Variants in RORA observed in about 807,000 individuals in gnomAD.
RORA encodes the protein RAR related orphan receptor A.
Under a neutral mutation model 69.5 loss-of-function variants are expected in RORA, and 7 were observed. The observed-to-expected ratio is 0.10, with a 90% CI of 0.06 to 0.19. RORA has a LOEUF of 0.19. RORA is among the 10% of genes least tolerant of loss of function. The probability of loss-of-function intolerance (pLI) is 1.00; values close to 1 mark genes in which losing one functional copy is unlikely to be tolerated. For missense variants in RORA, 457 were observed against 663.0 expected (o/e 0.69, Z 3.41); for synonymous variants, 261 against 240.8 (o/e 1.08, Z -0.78).
At chr15:60,881,177 T>G (rs1347822553) in intron 1 of RORA, among the ~76,000 whole-genome samples, 1 of 152,252 alleles carries the variant, frequency 6.6e-6, no homozygotes. Flanking sequence ...CCTCTGCTCT[T>G]GGACTGCACT....
chr15:60,522,680 A>T (rs557577535), intron 3 of RORA, among the ~76,000 whole-genome samples: 23 of 151,576 alleles, frequency 1.5e-4, no homozygotes, highest in African/African-American at 4.9e-4. Context: ...TGAGGTGGGA[A>T]GATTGTTGGA....
intron 1 of RORA, among the ~76,000 whole-genome samples, chr15:61,017,767 G>A (rs1171947974): frequency 6.6e-6 from 1 of 152,152 alleles, no homozygotes; most frequent in Non-Finnish European, 1.5e-5. Flanking sequence ...ATGATGACGT[G>A]CCACAAAGCA....
At chr15:60,960,446 T>C (rs1893384700) in intron 1 of RORA, among the ~76,000 whole-genome samples, 1 of 152,118 alleles carries the variant, frequency 6.6e-6, no homozygotes, top group Admixed American at 6.5e-5. Flanking sequence ...AATACAATTG[T>C]CCATCTGATT....
At chr15:61,179,184 A>G (rs1182919605) in intron 1 of RORA, among the ~76,000 whole-genome samples, 1 of 152,246 alleles carries the variant, frequency 6.6e-6, no homozygotes, top group Non-Finnish European at 1.5e-5. Flanking sequence ...TTAGCACAGC[A>G]GTTCCCACAA....
chr15:60,728,235 T>G (rs1342922758), intron 1 of RORA, among the ~76,000 whole-genome samples: 1 of 152,224 alleles, frequency 6.6e-6, no homozygotes, highest in Non-Finnish European at 1.5e-5. Context: ...CAGGTCTCAT[T>G]ATGTCACCCA....
chr15:60,747,039 C>CT (rs1380861515), intron 1 of RORA, among the ~76,000 whole-genome samples: 5 of 152,170 alleles, frequency 3.3e-5, no homozygotes, highest in African/African-American at 1.2e-4. Flanking sequence ...CTGCCCTCCC[C>CT]TTTTGTTCCT....
intron 2 of RORA, among the ~76,000 whole-genome samples, chr15:60,578,081 G>C (rs340007): frequency 1.6e-4 from 25 of 152,186 alleles, no homozygotes; most frequent in African/African-American, 5.8e-4. Flanking sequence ...ACAAGTGGTA[G>C]TTTCTTAAAG....
At chr15:60,755,212 C>T (rs932162824) in intron 1 of RORA, among the ~76,000 whole-genome samples, 1 of 147,378 alleles carries the variant, frequency 6.8e-6, no homozygotes, top group Non-Finnish European at 1.5e-5. Flanking sequence ...TCAATTCCCA[C>T]CTATGAATAA....
chr15:60,865,559 C>G (rs2073478239), intron 1 of RORA, among the ~76,000 whole-genome samples: 3 of 152,188 alleles, frequency 2.0e-5, no homozygotes, highest in South Asian at 4.1e-4. Context: ...CCAGGTGGTG[C>G]CAAGGGTGAG....
intron 1 of RORA, among the ~76,000 whole-genome samples, chr15:60,940,835 G>A (rs56803737): frequency 0.011 from 1,633 of 152,268 alleles, 31 homozygotes; most frequent in African/African-American, 0.037. Flanking sequence ...GCTGAGGCAG[G>A]GGAATTGTTT....
In RORA at chr15:60,831,565, A is replaced by T. The variant is rs80148549; in HGVS notation, c.167-152879T>A. 6.2e-3 allele frequency among the ~76,000 whole-genome samples: 944 copies of T among 152,304 alleles called. 15 individuals carry two copies. Among genetic ancestry groups the T allele is most frequent in the African/African-American group, 0.022 (896 of 41,544 alleles). Reference sequence around the variant, plus strand: ...GTGAGTCTCCTAGAAGCTCACAGTTATATAGCTCTGATAATATTTTAATAC... The same window carrying T: ...GTGAGTCTCCTAGAAGCTCACAGTTTTATAGCTCTGATAATATTTTAATAC... On this transcript the variant is annotated intron_variant, in intron 1 of 10. Transcript: ENST00000335670.
chr15:60,892,769 G>A (rs1041831683), intron 1 of RORA, among the ~76,000 whole-genome samples: 3 of 152,124 alleles, frequency 2.0e-5, no homozygotes, highest in Admixed American at 6.5e-5. Flanking sequence ...CTATCTTACT[G>A]TGAAAGAAAT....
intron 1 of RORA, among the ~76,000 whole-genome samples, chr15:61,002,963 C>G (rs1273383608): frequency 7.9e-6 from 1 of 126,954 alleles, no homozygotes; most frequent in Non-Finnish European, 1.6e-5. Flanking sequence ...AACCCCGTCT[C>G]TACTAAAAAT....
intron 1 of RORA, among the ~76,000 whole-genome samples, chr15:60,955,643 G>C (rs190949712): frequency 1.3e-5 from 2 of 152,154 alleles, no homozygotes; most frequent in African/African-American, 2.4e-5. Context: ...TTTGTGAGTC[G>C]ATTTTTACAA....
chr15:60,632,084 G>A (rs536222677), intron 2 of RORA, among the ~76,000 whole-genome samples: 1 of 150,930 alleles, frequency 6.6e-6, no homozygotes, highest in South Asian at 2.1e-4. Context: ...ATGTGTAGTA[G>A]CTACTTAAAT....
At chr15:61,224,047 A>T (rs1329635093) in intron 1 of RORA, among the ~76,000 whole-genome samples, 1 of 151,792 alleles carries the variant, frequency 6.6e-6, no homozygotes, top group African/African-American at 2.4e-5. Flanking sequence ...AGAGAAAATG[A>T]GAGACAGAGA....
chr15:61,212,376 G>A (rs992182288), intron 1 of RORA, among the ~76,000 whole-genome samples: 3 of 152,134 alleles, frequency 2.0e-5, no homozygotes, highest in Non-Finnish European at 4.4e-5. Flanking sequence ...CTGACTCTGG[G>A]CTTACAAACG....
At chr15:60,707,208 T>TG (rs933494564) in intron 1 of RORA, among the ~76,000 whole-genome samples, 2 of 152,126 alleles carry the variant, frequency 1.3e-5, no homozygotes, top group Non-Finnish European at 2.9e-5. Context: ...CCATTCTGGC[T>TG]GTTGCGAAGA....
At chr15:60,971,478 C>T (rs914370487) in intron 1 of RORA, among the ~76,000 whole-genome samples, 2 of 152,172 alleles carry the variant, frequency 1.3e-5, no homozygotes, top group African/African-American at 4.8e-5. Flanking sequence ...CAACATTTGG[C>T]CTTGGATCCA....
Sources: gnomAD v4.1 joint callset for allele counts (sites outside exome capture counted in the v4.1 genomes callset) on GRCh38, gnomAD v4.1.1 for gene constraint, MANE v1.5 for transcripts, NCBI Gene and HGNC (gene_info 2026-07-23, HGNC 2026-07-21) for gene names.